SAMD12: variants seen among roughly 807,000 people sequenced by gnomAD.
SAMD12 encodes sterile alpha motif domain-containing protein 12.
A neutral mutation model predicts 15.0 loss-of-function variants in SAMD12; 9 were observed. The observed-to-expected ratio is 0.60, with a 90% CI of 0.36 to 1.05. The LOEUF is 1.05. SAMD12 is among the 50% of genes least tolerant of loss of function. The pLI is 0.01. For missense variants in SAMD12, 230 were observed against 234.2 expected (o/e 0.98, Z 0.12); for synonymous variants, 86 against 90.1 (o/e 0.96, Z 0.25).
At chr8:118,369,903 A>T (rs1279656705) in intron 4 of SAMD12, among the ~76,000 whole-genome samples, 1 of 152,186 alleles carries the variant, frequency 6.6e-6, no homozygotes, top group Non-Finnish European at 1.5e-5. Context: ...GTTGCAGCGA[A>T]AGTAAAAACT....
intron 1 of SAMD12, among the ~76,000 whole-genome samples, chr8:118,594,227 CA>C (rs1827661828): frequency 9.9e-6 from 1 of 101,084 alleles, no homozygotes; most frequent in South Asian, 3.4e-4. Flanking sequence ...TGGTCCTCAG[CA>C]AAATGAAGAA....
intron 2 of SAMD12, among the ~76,000 whole-genome samples, chr8:118,446,320 C>A (rs933356213): frequency 1.3e-5 from 2 of 151,758 alleles, no homozygotes; most frequent in African/African-American, 2.4e-5. Flanking sequence ...ACCACAGACT[C>A]CAAAAGTTGT....
At chr8:118,432,447 A>G (rs756316638) in intron 3 of SAMD12, among the ~76,000 whole-genome samples, 2 of 152,242 alleles carry the variant, frequency 1.3e-5, no homozygotes, top group Non-Finnish European at 2.9e-5. Flanking sequence ...GATGCCAGGA[A>G]GCAAGAATCT....
chr8:118,153,201 C>T, the SAMD12 span, among the ~76,000 whole-genome samples: 1 of 152,138 alleles, frequency 6.6e-6, no homozygotes, highest in African/African-American at 2.4e-5. Context: ...GGCTTGGGTT[C>T]AGATGGTAGC....
downstream of SAMD12, among the ~76,000 whole-genome samples, chr8:118,376,829 T>C (rs1819411589): frequency 6.6e-6 from 1 of 152,162 alleles, no homozygotes; most frequent in African/African-American, 2.4e-5. Flanking sequence ...AATCAAATAT[T>C]CATTACTGAA....
intron 4 of SAMD12, among the ~76,000 whole-genome samples, chr8:118,204,331 G>A (rs940357994): frequency 6.6e-5 from 10 of 152,084 alleles, no homozygotes; most frequent in African/African-American, 1.9e-4. Context: ...TCTCAGCAGC[G>A]CTGGTCCCAT....
intron 2 of SAMD12, among the ~76,000 whole-genome samples, chr8:118,560,724 C>A (rs1191796420): frequency 6.6e-6 from 1 of 151,932 alleles, no homozygotes; most frequent in Non-Finnish European, 1.5e-5. Flanking sequence ...AGGGCTCAAA[C>A]CTACATCATT....
At chr8:118,317,537 A>G (rs941422982) in intron 4 of SAMD12, among the ~76,000 whole-genome samples, 5 of 152,224 alleles carry the variant, frequency 3.3e-5, no homozygotes, top group African/African-American at 1.2e-4. Context: ...TATATAATGT[A>G]CAATTCGGTT....
intron 2 of SAMD12, among the ~76,000 whole-genome samples, chr8:118,576,145 C>A (rs887423673): frequency 1.3e-5 from 2 of 152,154 alleles, no homozygotes; most frequent in Non-Finnish European, 2.9e-5. Context: ...TCTAATAGGA[C>A]TTTCTGCCAT....
chr8:118,417,504 G>A (rs1356944358), intron 3 of SAMD12, among the ~76,000 whole-genome samples: 1 of 152,054 alleles, frequency 6.6e-6, no homozygotes, highest in Non-Finnish European at 1.5e-5. Context: ...GTAAATTAAT[G>A]AACACTAATT....
chr8:118,333,418 T>C (rs180881683), intron 4 of SAMD12, among the ~76,000 whole-genome samples: 248 of 152,320 alleles, frequency 1.6e-3, no homozygotes, highest in Middle Eastern at 3.4e-3. Context: ...CTCAGCTTTC[T>C]GTATCATGAT....
intron 2 of SAMD12, among the ~76,000 whole-genome samples, chr8:118,450,462 G>A (rs901797866): frequency 6.6e-6 from 1 of 152,146 alleles, no homozygotes; most frequent in Non-Finnish European, 1.5e-5. Context: ...CTCTACGGGA[G>A]GTGCTGTGAC....
intron 3 of SAMD12, among the ~76,000 whole-genome samples, chr8:118,389,936 G>A (rs749758923): frequency 9.2e-5 from 14 of 151,962 alleles, no homozygotes; most frequent in East Asian, 7.7e-4. Flanking sequence ...AACAAATTAC[G>A]TATATATGGG....
intron 2 of SAMD12, among the ~76,000 whole-genome samples, chr8:118,489,057 A>T (rs530696517): frequency 4.3e-4 from 66 of 152,070 alleles, no homozygotes; most frequent in Admixed American, 2.4e-3. Flanking sequence ...TCTGGGGAGG[A>T]GGTTGTGGTA....
chr8:118,400,887 A>C (rs925006582), intron 3 of SAMD12, among the ~76,000 whole-genome samples: 1 of 152,230 alleles, frequency 6.6e-6, no homozygotes, highest in African/African-American at 2.4e-5. Flanking sequence ...ATAACTGATA[A>C]ATGTATTGCT....
rs1811996859 is a variant in SAMD12 at position 118,217,730 on chromosome 8, C to T, written c.434-19998G>A. 2.0e-5 allele frequency among the ~76,000 whole-genome samples: 3 copies of T among 152,212 alleles called. No individual in the cohort carries two copies. The South Asian group carries it at 6.2e-4, about 32-fold the overall frequency. On this transcript the variant is annotated intron_variant, in intron 4 of 4. Coordinates refer to the SAMD12 transcript ENST00000409003. ...TGTATTCAAAAACCTCCTGTGGCTC[C>T]ACATTTCTTAAAGGATAAATTCAAT...
chr8:118,327,058 G>A (rs1816601793), intron 4 of SAMD12, among the ~76,000 whole-genome samples: 1 of 152,230 alleles, frequency 6.6e-6, no homozygotes, highest in East Asian at 1.9e-4. Context: ...TACTACGTCA[G>A]AGATTTGTTC....
At chr8:118,602,356 A>G (rs918012253) in intron 1 of SAMD12, among the ~76,000 whole-genome samples, 12 of 152,204 alleles carry the variant, frequency 7.9e-5, no homozygotes, top group Admixed American at 7.9e-4. Flanking sequence ...AATTCATTTA[A>G]CAGTTATTTT....
intron 4 of SAMD12, among the ~76,000 whole-genome samples, chr8:118,348,735 G>C (rs1192518052): frequency 1.3e-5 from 2 of 152,186 alleles, no homozygotes; most frequent in African/African-American, 4.8e-5. Context: ...TTGATCCTTT[G>C]CTCCGTGCTA....
Sources: allele counts gnomAD v4.1 joint callset (sites outside exome capture counted in the v4.1 genomes callset), GRCh38; gene constraint gnomAD v4.1.1; transcripts MANE v1.5; gene names NCBI Gene and HGNC (gene_info 2026-07-23, HGNC 2026-07-21).